The following REDIC1 variants were observed in gnomAD, a reference collection of about 807,000 sequenced individuals.
REDIC1 encodes the protein regulator of DNA class I crossover intermediates 1.
At chr12:39,671,707 G>A in the REDIC1 span, among the ~76,000 whole-genome samples, 131 of 152,198 alleles carry the variant, frequency 8.6e-4, no homozygotes, top group East Asian at 0.018. Flanking sequence ...TAGGCCCCTG[G>A]GTGGTGTGTG....
the REDIC1 span, among the ~76,000 whole-genome samples, chr12:39,895,653 C>A: frequency 6.5e-3 from 507 of 77,462 alleles, 5 homozygotes; most frequent in African/African-American, 0.023. Context: ...TGTATACGTA[C>A]ACACATATGT....
the REDIC1 span, among the ~76,000 whole-genome samples, chr12:39,792,791 G>T: frequency 9.9e-6 from 1 of 101,020 alleles, no homozygotes. Flanking sequence ...TGGAGGGCTG[G>T]CTGTATTTAA....
At chr12:39,752,124 G>C in the REDIC1 span, among the ~76,000 whole-genome samples, 3 of 152,176 alleles carry the variant, frequency 2.0e-5, no homozygotes, top group Non-Finnish European at 4.4e-5. Flanking sequence ...TAGTGAATAA[G>C]TTCCATGCTT....
chr12:39,724,828 AAG>A, the REDIC1 span, among the ~76,000 whole-genome samples: 3 of 152,066 alleles, frequency 2.0e-5, no homozygotes, highest in African/African-American at 7.2e-5. Flanking sequence ...AGAAGAGAAA[AAG>A]AAATAGAAAA....
chr12:39,717,165 C>T, the REDIC1 span, among the ~76,000 whole-genome samples: 21 of 136,992 alleles, frequency 1.5e-4, no homozygotes, highest in African/African-American at 7.2e-4. Flanking sequence ...CACACATACA[C>T]ACACACACAC....
the REDIC1 span, among the ~76,000 whole-genome samples, chr12:39,711,438 T>G: frequency 1.6e-5 from 1 of 61,566 alleles, no homozygotes; most frequent in East Asian, 3.2e-4. Context: ...TATATGTATA[T>G]GTGTGTACAT....
At chr12:39,779,940 T>C in the REDIC1 span, among the ~76,000 whole-genome samples, 1,524 of 152,334 alleles carry the variant, frequency 0.01, 28 homozygotes, top group African/African-American at 0.035. Flanking sequence ...GCTATCGTGA[T>C]GCAAACAATG....
chr12:39,783,712 G>A, the REDIC1 span, among the ~76,000 whole-genome samples: 1 of 152,104 alleles, frequency 6.6e-6, no homozygotes, highest in African/African-American at 2.4e-5. Context: ...CTTTTTGGGG[G>A]TTGTTTGTTT....
chr12:39,696,420 G>A, the REDIC1 span, among the ~76,000 whole-genome samples: 1 of 149,072 alleles, frequency 6.7e-6, no homozygotes, highest in Non-Finnish European at 1.5e-5. Context: ...GCGGGCGCCT[G>A]TAGTCCCAGC....
At chr12:39,657,705 C>A in the REDIC1 span, among the ~76,000 whole-genome samples, 1 of 152,082 alleles carries the variant, frequency 6.6e-6, no homozygotes, top group African/African-American at 2.4e-5. Flanking sequence ...GAAATCTTTA[C>A]CATCTGTAGC....
chr12:39,767,165 G>C, the REDIC1 span, among the ~76,000 whole-genome samples: 1 of 152,058 alleles, frequency 6.6e-6, no homozygotes, highest in African/African-American at 2.4e-5. Context: ...GAAAGTTGAA[G>C]TGACTCCTTG....
At chr12:39,741,642 A>T in the REDIC1 span, among the ~76,000 whole-genome samples, 72 of 152,356 alleles carry the variant, frequency 4.7e-4, no homozygotes, top group African/African-American at 1.5e-3. Flanking sequence ...TTGGTTTTAC[A>T]CATTTTAGGG....
At chr12:39,749,277 G>A in the REDIC1 span, among the ~76,000 whole-genome samples, 1 of 152,148 alleles carries the variant, frequency 6.6e-6, no homozygotes. Context: ...TACCATCAGA[G>A]AATACTATAA....
chr12:39,826,434 A>G, the REDIC1 span, among the ~76,000 whole-genome samples: 3 of 150,176 alleles, frequency 2.0e-5, no homozygotes, highest in African/African-American at 7.3e-5. Flanking sequence ...AAACAGTTAT[A>G]TTTAGATGTA....
chr12:39,777,597 G>GT, the REDIC1 span, among the ~76,000 whole-genome samples: 1 of 151,988 alleles, frequency 6.6e-6, no homozygotes, highest in African/African-American at 2.4e-5. Flanking sequence ...GGCCTGCCAC[G>GT]CCCCCATCCT....
chr12:39,752,160 A>G, the REDIC1 span, among the ~76,000 whole-genome samples: 1 of 152,170 alleles, frequency 6.6e-6, no homozygotes, highest in African/African-American at 2.4e-5. Context: ...TCTAGCGTGG[A>G]ATCCTCAGTG....
chr12:39,833,893 A>T, the REDIC1 span, among the ~76,000 whole-genome samples: 58 of 120,122 alleles, frequency 4.8e-4, no homozygotes, highest in East Asian at 3.4e-3. Context: ...GCATGGTCAT[A>T]AAAAAAAAAA....
chr12:39,778,822 C>T, the REDIC1 span, among the ~76,000 whole-genome samples: 455 of 152,284 alleles, frequency 3.0e-3, 4 homozygotes, highest in Non-Finnish European at 4.4e-3. Flanking sequence ...GTCTGCAACA[C>T]AAAACCATTT....
chr12:39,765,837 T>G, the REDIC1 span, among the ~76,000 whole-genome samples: 44 of 152,204 alleles, frequency 2.9e-4, no homozygotes, highest in African/African-American at 1.1e-3. Flanking sequence ...CACCTAGGTA[T>G]TAAGCCCCAT....
Sources: allele counts gnomAD v4.1 joint callset (sites outside exome capture counted in the v4.1 genomes callset), GRCh38; gene constraint gnomAD v4.1.1; transcripts MANE v1.5; gene names NCBI Gene and HGNC (gene_info 2026-07-23, HGNC 2026-07-21).